NAA11: variants seen among roughly 807,000 people sequenced by gnomAD.
The protein encoded by NAA11 is N-alpha-acetyltransferase 11.
NAA11 carries 15 observed loss-of-function variants against 16.1 expected under a neutral mutation model. The observed-to-expected ratio is 0.93, with a 90% CI of 0.62 to 1.44. NAA11 has a LOEUF of 1.44. NAA11 is among the 40% of genes most tolerant of loss of function. NAA11 has a pLI of 0.00. For synonymous variants in NAA11, 122 were observed against 112.4 expected, an observed-to-expected ratio of 1.09 and a Z score of -0.54; for missense variants, 298 against 291.3, an observed-to-expected ratio of 1.02 and a Z score of -0.17.
intron 2 of NAA11, among the ~76,000 whole-genome samples, chr4:79,239,999 A>G (rs1032086684): frequency 2.0e-5 from 3 of 151,944 alleles, no homozygotes; most frequent in East Asian, 1.9e-4. Context: ...TCTGCTAACA[A>G]CTCCTGAGAG....
At chr4:79,313,299 CAA>C (rs1321729286), downstream of NAA11, among the ~76,000 whole-genome samples, 4 of 152,034 alleles carry the variant, frequency 2.6e-5, no homozygotes, top group East Asian at 1.9e-4. Context: ...CCTGAAAGCA[CAA>C]AAGTTATTTT....
chr4:79,164,662 A>G, the NAA11 span, among the ~76,000 whole-genome samples: 18 of 152,262 alleles, frequency 1.2e-4, no homozygotes, highest in Admixed American at 5.9e-4. Flanking sequence ...ACAAAACTCC[A>G]TGCTTCCCTC....
intron 2 of NAA11, among the ~76,000 whole-genome samples, chr4:79,264,420 A>G (rs200504878): frequency 6.6e-6 from 1 of 152,158 alleles, no homozygotes; most frequent in Non-Finnish European, 1.5e-5. Context: ...GCTTTGATCT[A>G]TCATTCTCCT....
chr4:79,325,671 A>G lies in NAA11; in HGVS notation c.207T>C (p.His69=). The part of the protein sequence containing the change: ...KMEEEPDDVP[H]GHITSLAVKR... Reference sequence around the variant, plus strand: ...TCACGGCCAGTGAGGTGATATGGCCATGCGGGACATCATCTGGTTCCTCCT... The same window carrying G: ...TCACGGCCAGTGAGGTGATATGGCCGTGCGGGACATCATCTGGTTCCTCCT... The change falls in exon 1 of 2, where the codon CAT becomes CAC. Residue 69 remains histidine (H), a synonymous_variant. Coordinates refer to ENST00000286794, the MANE Select transcript of NAA11 (RefSeq NM_032693.3). 12 of 1,614,140 alleles carry G rather than the reference A, an allele frequency of 7.4e-6. No homozygotes were observed. Among genetic ancestry groups the G allele is most frequent in the South Asian group, 1.1e-5 (1 of 91,080 alleles).
At chr4:79,183,547 G>T in the NAA11 span, among the ~76,000 whole-genome samples, 1 of 152,028 alleles carries the variant, frequency 6.6e-6, no homozygotes. Flanking sequence ...TTAAAAAGAT[G>T]AACTCTTGAC....
chr4:79,209,135 C>T, the NAA11 span, among the ~76,000 whole-genome samples: 1 of 151,922 alleles, frequency 6.6e-6, no homozygotes, highest in Non-Finnish European at 1.5e-5. Context: ...TTTGAAATGT[C>T]GGCTGAATTG....
At chr4:79,313,233 A>G (rs1344917645), downstream of NAA11, among the ~76,000 whole-genome samples, 1 of 152,186 alleles carries the variant, frequency 6.6e-6, no homozygotes, top group Non-Finnish European at 1.5e-5. Context: ...TTACAGTAAC[A>G]TTTTTTACAA....
At chr4:79,311,655 T>C (rs958840054), downstream of NAA11, among the ~76,000 whole-genome samples, 1 of 152,188 alleles carries the variant, frequency 6.6e-6, no homozygotes, top group African/African-American at 2.4e-5. Context: ...TAACTCTAGG[T>C]ATAATCTAGA....
intron 1 of NAA11, among the ~76,000 whole-genome samples, chr4:79,322,185 C>A (rs542831614): frequency 6.6e-6 from 1 of 152,238 alleles, no homozygotes; most frequent in Admixed American, 6.5e-5. Flanking sequence ...TGGAAAAGAC[C>A]CAGAAGTGAA....
the NAA11 span, among the ~76,000 whole-genome samples, chr4:79,179,631 G>A: frequency 6.6e-6 from 1 of 152,146 alleles, no homozygotes; most frequent in Non-Finnish European, 1.5e-5. Context: ...AGCATATGGA[G>A]GATGTCATGA....
At position 79,277,315 on chromosome 4, in the gene NAA11, A is replaced by G. The variant is rs548890316; in HGVS notation, c.*122+16690T>C. 7.9e-5 allele frequency among the ~76,000 whole-genome samples: 12 copies of G among 152,204 alleles called. No individual in the cohort carries two copies. In the South Asian group the frequency reaches 2.5e-3, roughly 32 times the overall value. On this transcript the variant is annotated intron_variant and NMD_transcript_variant, in intron 2 of 2. Transcript: ENST00000511542. The stretch of plus-strand genomic sequence containing the variant: ...TGTCGGGTGCTGTGTCATACCATGT[A>G]TCCGTAAGTTGGTGCAGAGGCTCAT...
At chr4:79,199,116 C>T in the NAA11 span, among the ~76,000 whole-genome samples, 5 of 151,740 alleles carry the variant, frequency 3.3e-5, no homozygotes, top group African/African-American at 9.7e-5. Flanking sequence ...TGTAGCTGGT[C>T]GCCAGAAAGA....
chr4:79,262,578 A>T lies in NAA11; in HGVS notation c.*122+31427T>A, dbSNP rs147742530. Among the ~76,000 whole-genome samples the T allele has an allele frequency of 4.7e-3, 713 of 152,254 alleles. 3 individuals carry two copies. The highest frequency in any genetic ancestry group is 7.5e-3 in the Non-Finnish European group (511 of 67,976). On this transcript the variant is annotated intron_variant and NMD_transcript_variant, in intron 2 of 2. Transcript: ENST00000511542. ...AACAAGGAGAAATCTAACTTTTGCA[A>T]GTATTCTCAGTCCTGCATTCTTTCT...
In NAA11 at chr4:79,283,942, C is replaced by A. The variant is rs143562547; in HGVS notation, c.*122+10063G>T. Among the ~76,000 whole-genome samples, 297 of 152,152 alleles carry A rather than the reference C, an allele frequency of 2.0e-3. 2 individuals carry two copies. Among genetic ancestry groups the A allele is most frequent in the South Asian group, 0.01 (50 of 4,822 alleles). ...TTTCCTTACCTATCCATCCCTATTA[C>A]CTGCCACAGAGCTTAGGGCTTTTAA... is the stretch of plus-strand genomic sequence containing the variant. On this transcript the variant is annotated intron_variant and NMD_transcript_variant, in intron 2 of 2. Coordinates refer to the NAA11 transcript ENST00000511542.
At chr4:79,165,702 C>T in the NAA11 span, among the ~76,000 whole-genome samples, 4 of 152,182 alleles carry the variant, frequency 2.6e-5, no homozygotes, top group African/African-American at 7.2e-5. Flanking sequence ...TCACAGCTCG[C>T]TTCAAAATGG....
intron 2 of NAA11, among the ~76,000 whole-genome samples, chr4:79,250,315 C>T (rs767387083): frequency 2.6e-5 from 4 of 152,358 alleles, no homozygotes; most frequent in South Asian, 2.1e-4. Flanking sequence ...CGAGAGGCCA[C>T]GTTCAGCGGG....
chr4:79,215,820 T>C, the NAA11 span, among the ~76,000 whole-genome samples: 2 of 152,166 alleles, frequency 1.3e-5, no homozygotes, highest in Non-Finnish European at 2.9e-5. Context: ...ATAGAATTAT[T>C]GAGTGAGGAT....
At chr4:79,181,090 G>T in the NAA11 span, among the ~76,000 whole-genome samples, 1 of 152,048 alleles carries the variant, frequency 6.6e-6, no homozygotes, top group Non-Finnish European at 1.5e-5. Context: ...TAGGGTGGAG[G>T]GAGGGGGAGG....
the NAA11 span, among the ~76,000 whole-genome samples, chr4:79,192,449 A>G: frequency 4.4e-5 from 6 of 136,696 alleles, no homozygotes; most frequent in Middle Eastern, 4.1e-3. Context: ...TCATTGTTCA[A>G]TTCCCACCTA....
Sources: allele counts gnomAD v4.1 joint callset (sites outside exome capture counted in the v4.1 genomes callset), GRCh38; gene constraint gnomAD v4.1.1; transcripts MANE v1.5; gene names NCBI Gene and HGNC (gene_info 2026-07-23, HGNC 2026-07-21).